AP1M2: variants seen among roughly 807,000 people sequenced by gnomAD.
The protein encoded by AP1M2 is AP-1 complex subunit mu-2.
AP1M2 carries 41 observed loss-of-function variants against 54.6 expected under a neutral mutation model. That is an observed-to-expected ratio of 0.75 (90% CI 0.59 to 0.97). The LOEUF (loss-of-function observed/expected upper bound fraction) is 0.97. AP1M2 is among the 50% of genes least tolerant of loss of function. AP1M2 has a pLI of 0.00. For missense variants in AP1M2, 507 were observed against 561.2 expected (o/e 0.90, Z 0.98); for synonymous variants, 219 against 215.9 (o/e 1.01, Z -0.13).
At chr19:10,578,694 G>A (rs1253278163) in intron 8 of AP1M2, among the ~76,000 whole-genome samples, 198 bp downstream of exon 8, 3 of 151,900 alleles carry the variant, frequency 2.0e-5, no homozygotes, top group Non-Finnish European at 4.4e-5. Context: ...TGGCACTACA[G>A]GCACTCACCA....
intron 9 of AP1M2, 28 bp from the exon 10 acceptor site, chr19:10,575,057 A>ACGAGGGTCCGCCTACCCTCC (rs770129295): frequency 6.9e-6 from 10 of 1,456,622 alleles, no homozygotes; most frequent in Non-Finnish European, 9.1e-6. Context: ...CATCAGGTAC[A>ACGAGGGTCCGCCTACCCTCC]CGAGGGTCCG....
At chr19:10,581,980 G>T in intron 3 of AP1M2, 102 bp from the exon 4 acceptor site, 2 of 1,322,982 alleles carry the variant, frequency 1.5e-6, no homozygotes, top group Non-Finnish European at 1.0e-6. Flanking sequence ...AAGGCACGAG[G>T]ATCACTTAAG....
At chr19:10,577,743 T>TC (rs1806175451) in intron 8 of AP1M2, among the ~76,000 whole-genome samples, 1 of 146,460 alleles carries the variant, frequency 6.8e-6, no homozygotes, top group Admixed American at 6.8e-5. Flanking sequence ...CCTTTTTTTT[T>TC]TTTTTTTTTT....
At chr19:10,581,435 G>C in intron 5 of AP1M2, 43 bp from the exon 6 acceptor site, 1 of 1,610,076 alleles carries the variant, frequency 6.2e-7, no homozygotes, top group Middle Eastern at 1.7e-4. Context: ...ATCAAACTCC[G>C]TCTCCTGCAG....
chr19:10,584,983 G>A (rs1277391063), intron 1 of AP1M2: 1 of 151,386 alleles, frequency 6.6e-6, no homozygotes, highest in Admixed American at 6.6e-5. Context: ...TGAAGACCAA[G>A]GCAGGAGGAT....
rs557536930 is a variant in AP1M2, at chr19:10,587,305, G to A, written c.-74C>T. The stretch of plus-strand genomic sequence containing the variant: ...ATGGCGGCGCCGCTTCCTTCTTCCT[G>A]CGGAAGCGCCTGCGCCCAGGTGAGA... On this transcript the variant is annotated 5_prime_UTR_variant, in exon 1 of 12. Coordinates refer to ENST00000250244, the MANE Select transcript of AP1M2 (RefSeq NM_005498.5). The A allele has an allele frequency of 2.0e-6, 3 of 1,514,580 alleles. No individual in the cohort carries two copies. In the African/African-American group the frequency reaches 4.1e-5, roughly 21 times the overall value. 93.8% of individuals were successfully genotyped at this position (1,514,580 alleles called of 1,614,324 possible).
chr19:10,587,072 T>G, intron 1 of AP1M2, 118 bp downstream of exon 1: 1 of 1,149,344 alleles, frequency 8.7e-7, no homozygotes, highest in Non-Finnish European at 1.2e-6. Context: ...TTCCCAGGGA[T>G]TGCAGGGGGA....
chr19:10,574,601 G>A (rs371755632), intron 10 of AP1M2, 109 bp from the exon 11 acceptor site: 38 of 946,928 alleles, frequency 4.0e-5, no homozygotes, highest in African/African-American at 6.6e-5. Context: ...GGCTGGGATC[G>A]ATGAGGGGAT....
chr19:10,584,437 G>A lies in AP1M2; in HGVS notation c.43-367C>T, dbSNP rs565079740. Among the ~76,000 whole-genome samples, 7 of 152,220 alleles carry A rather than the reference G, an allele frequency of 4.6e-5. No individual in the cohort carries two copies. The South Asian group carries it at 6.2e-4, about 14-fold the overall frequency. On this transcript the variant is annotated intron_variant, in intron 1 of 11. Transcript: ENST00000250244. The stretch of plus-strand genomic sequence containing the variant: ...TTACTAAAAATACAAAAAATTAGCC[G>A]GGCGTGATGGCGTGTATCTATAGTC...
At chr19:10,587,168 A>G (rs1471928365) in intron 1 of AP1M2, 22 bp downstream of exon 1, 2 of 1,552,498 alleles carry the variant, frequency 1.3e-6, no homozygotes, top group Middle Eastern at 3.3e-4. Flanking sequence ...TCCGTCTCCC[A>G]ACTCCTCATG....
At chr19:10,585,220 G>A (rs1434126441) in intron 1 of AP1M2, among the ~76,000 whole-genome samples, 4 of 137,158 alleles carry the variant, frequency 2.9e-5, no homozygotes, top group African/African-American at 1.1e-4. Context: ...GTCAAAAAAA[G>A]AAAGAAGAAA....
intron 6 of AP1M2, 55 bp downstream of exon 6, chr19:10,581,211 C>G (rs190396540): frequency 2.6e-6 from 4 of 1,551,648 alleles, no homozygotes; most frequent in South Asian, 2.4e-5. Context: ...CCACGTGGGG[C>G]GGGTTTGCGA....
chr19:10,579,944 CT>C lies in AP1M2; in HGVS notation c.674-87del, dbSNP rs1217911662. On this transcript the variant is annotated intron_variant, in intron 6 of 11. Coordinates refer to ENST00000250244, the MANE Select transcript of AP1M2 (RefSeq NM_005498.5). ...CACCTTTCCTGCCGACCACTGTCAC[CT>C]ATTTCACATATGGGGAAACTGGGGC... 6.6e-6 allele frequency: 9 copies of C among 1,371,650 alleles called. No homozygotes were observed. The African/African-American group carries it at 1.2e-4, about 18-fold the overall frequency. The allele number at this position is 1,371,650 out of a possible 1,614,324, so 85.0% of individuals were successfully genotyped here.
rs1247046601 is a variant in AP1M2, at chr19:10,584,020, C to T, written c.93G>A (p.Glu31=). ...YKGDVAMSKI[E]HFMPLLVQRE... ...GCTGTACCAGCAAAGGCATGAAGTG[C>T]TCAATCTTGCTCATGGCCACATCGC... Residue 31 remains glutamate, a synonymous_variant, in exon 2 of 12, where the codon GAG becomes GAA. Coordinates refer to ENST00000250244, the MANE Select transcript of AP1M2 (RefSeq NM_005498.5). The T allele has an allele frequency of 6.2e-7, 1 of 1,610,530 alleles. No homozygotes were observed. Among genetic ancestry groups the T allele is most frequent in the Non-Finnish European group, 8.5e-7 (1 of 1,178,524 alleles).
At chr19:10,583,573 A>G in intron 3 of AP1M2, 33 bp downstream of exon 3, 1 of 1,524,244 alleles carries the variant, frequency 6.6e-7, no homozygotes, top group Non-Finnish European at 9.0e-7. Flanking sequence ...ATAGACGGAT[A>G]GACCAGTTAG....
At chr19:10,586,510 G>A (rs1048255433) in intron 1 of AP1M2, among the ~76,000 whole-genome samples, 3 of 149,880 alleles carry the variant, frequency 2.0e-5, no homozygotes, top group Non-Finnish European at 4.4e-5. Flanking sequence ...TCAGCCCGCA[G>A]CCCCAGATAT....
At chr19:10,575,982 C>A (rs1462474365) in intron 9 of AP1M2, among the ~76,000 whole-genome samples, 3 of 149,622 alleles carry the variant, frequency 2.0e-5, no homozygotes, top group Non-Finnish European at 4.4e-5. Context: ...ACAGTGTTAG[C>A]CAGGATGGTC....
chr19:10,572,795 G>A lies in AP1M2; in HGVS notation c.*271C>T, dbSNP rs942282576. On this transcript the variant is annotated 3_prime_UTR_variant, in exon 12 of 12. Coordinates refer to ENST00000250244, the MANE Select transcript of AP1M2 (RefSeq NM_005498.5). ...GGCAGGTAATTGCAAGAAGGCACTC[G>A]CGAGGAGGACTTCAAGCCCCTCTTC... 19 of 390,950 alleles carry A rather than the reference G, an allele frequency of 4.9e-5. No individual in the cohort carries two copies. The highest frequency in any genetic ancestry group is 8.9e-5 in the Non-Finnish European group (19 of 213,952). 24.2% of individuals were successfully genotyped at this position (390,950 alleles called of 1,614,324 possible).
chr19:10,576,137 G>A (rs1394587662), intron 9 of AP1M2, among the ~76,000 whole-genome samples: 1 of 149,864 alleles, frequency 6.7e-6, no homozygotes, highest in East Asian at 2.0e-4. Flanking sequence ...TGTCACCCAG[G>A]CTGGAGTGCG....
Sources: allele counts gnomAD v4.1 joint callset (sites outside exome capture counted in the v4.1 genomes callset), GRCh38; gene constraint gnomAD v4.1.1; transcripts MANE v1.5; gene names NCBI Gene and HGNC (gene_info 2026-07-23, HGNC 2026-07-21).